The following ERBB4 variants were observed in gnomAD, a reference collection of about 807,000 sequenced individuals.
ERBB4 encodes erb-b2 receptor tyrosine kinase 4, also known as receptor tyrosine-protein kinase erbB-4.
Under a neutral mutation model 158.0 loss-of-function variants are expected in ERBB4, and 42 were observed. That is an observed-to-expected ratio of 0.27 (90% CI 0.21 to 0.34). The LOEUF (loss-of-function observed/expected upper bound fraction) is 0.34, where lower values mean the gene tolerates loss of function less well. ERBB4 is among the 10% of genes least tolerant of loss of function. The probability of loss-of-function intolerance (pLI) is 1.00; values close to 1 mark genes in which losing one functional copy is unlikely to be tolerated. For missense variants in ERBB4, 1,333 were observed against 1,624.1 expected (o/e 0.82, Z 3.08); for synonymous variants, 583 against 558.7 (o/e 1.04, Z -0.61).
At chr2:211,943,076 T>C (rs2080550386) in intron 3 of ERBB4, among the ~76,000 whole-genome samples, 1 of 152,126 alleles carries the variant, frequency 6.6e-6, no homozygotes, top group African/African-American at 2.4e-5. Flanking sequence ...TATAAATAGA[T>C]ATAAACTTAA....
chr2:212,506,252 C>A (rs1481881605), intron 1 of ERBB4, among the ~76,000 whole-genome samples: 1 of 148,702 alleles, frequency 6.7e-6, no homozygotes, highest in Non-Finnish European at 1.5e-5. Flanking sequence ...CATCTCTCTC[C>A]CTCTCCTTGG....
intron 3 of ERBB4, among the ~76,000 whole-genome samples, chr2:211,899,309 C>A (rs2079174356): frequency 6.6e-6 from 1 of 152,102 alleles, no homozygotes; most frequent in Non-Finnish European, 1.5e-5. Context: ...TTCATTTCCT[C>A]TATCTATTTT....
intron 2 of ERBB4, among the ~76,000 whole-genome samples, chr2:212,052,324 T>G (rs1421211104): frequency 1.3e-5 from 2 of 152,222 alleles, no homozygotes; most frequent in Admixed American, 6.5e-5. Context: ...AAAGCTGCAC[T>G]GTTGGCTTCC....
At chr2:212,253,615 G>A (rs2084621214) in intron 1 of ERBB4, among the ~76,000 whole-genome samples, 1 of 152,132 alleles carries the variant, frequency 6.6e-6, no homozygotes, top group Non-Finnish European at 1.5e-5. Flanking sequence ...CCATGCAGCT[G>A]GTTAGCAGAA....
At chr2:212,180,196 A>G (rs2081813049) in intron 1 of ERBB4, among the ~76,000 whole-genome samples, 2 of 151,762 alleles carry the variant, frequency 1.3e-5, no homozygotes, top group Non-Finnish European at 3.0e-5. Flanking sequence ...TGAAGCACAT[A>G]GTATATCCTC....
At chr2:212,461,566 G>C (rs936801254) in intron 1 of ERBB4, among the ~76,000 whole-genome samples, 1 of 152,158 alleles carries the variant, frequency 6.6e-6, no homozygotes, top group African/African-American at 2.4e-5. Context: ...ATGCTCATAG[G>C]TGGAAGGGAC....
intron 20 of ERBB4, among the ~76,000 whole-genome samples, chr2:211,454,547 C>A (rs1363484518): frequency 1.3e-5 from 2 of 152,140 alleles, no homozygotes; most frequent in Non-Finnish European, 1.5e-5. Flanking sequence ...ATGCATTTCT[C>A]TCTCTCTCTC....
chr2:211,404,599 C>T (rs28404089), intron 25 of ERBB4, among the ~76,000 whole-genome samples: 1 of 151,664 alleles, frequency 6.6e-6, no homozygotes, highest in Admixed American at 6.6e-5. Flanking sequence ...TGTTAAAACA[C>T]TTTTTTTTAA....
chr2:211,618,437 T>C (rs2069475027), intron 19 of ERBB4, among the ~76,000 whole-genome samples: 1 of 152,028 alleles, frequency 6.6e-6, no homozygotes, highest in South Asian at 2.1e-4. Flanking sequence ...GCTGCTTTCC[T>C]ACCAAAAAGA....
intron 25 of ERBB4, among the ~76,000 whole-genome samples, chr2:211,407,958 G>A (rs574993959): frequency 6.2e-4 from 94 of 152,294 alleles, no homozygotes; most frequent in African/African-American, 2.1e-3. Context: ...GATATTCTGA[G>A]CCTCTCAAAA....
chr2:212,052,979 G>A (rs766569898), intron 2 of ERBB4, among the ~76,000 whole-genome samples: 1 of 152,156 alleles, frequency 6.6e-6, no homozygotes, highest in Admixed American at 6.5e-5. Flanking sequence ...GTAGCAACGG[G>A]ACCTGGACCA....
intron 4 of ERBB4, among the ~76,000 whole-genome samples, chr2:211,784,799 G>T (rs1030611240): frequency 6.6e-6 from 1 of 151,962 alleles, no homozygotes; most frequent in Admixed American, 6.6e-5. Flanking sequence ...TAATAAGTGG[G>T]AGACAATATC....
At chr2:211,768,590 T>C (rs1257808788) in intron 4 of ERBB4, among the ~76,000 whole-genome samples, 7 of 152,194 alleles carry the variant, frequency 4.6e-5, no homozygotes, top group Admixed American at 4.6e-4. Context: ...TCTGTGCACC[T>C]GCAGGCTCAA....
chr2:212,132,614 T>C (rs74530279), intron 1 of ERBB4, among the ~76,000 whole-genome samples: 6,513 of 152,160 alleles, frequency 0.043, 485 homozygotes, highest in African/African-American at 0.15. Flanking sequence ...AGTCTTCATA[T>C]CCAAACTGGA....
chr2:211,936,671 T>C (rs2080331615), intron 3 of ERBB4, among the ~76,000 whole-genome samples: 1 of 152,110 alleles, frequency 6.6e-6, no homozygotes, highest in Admixed American at 6.5e-5. Flanking sequence ...TCAGATCTAT[T>C]TGACATATTA....
At chr2:212,003,623 A>G (rs956809582) in intron 2 of ERBB4, among the ~76,000 whole-genome samples, 4 of 152,214 alleles carry the variant, frequency 2.6e-5, no homozygotes, top group Non-Finnish European at 5.9e-5. Context: ...CACATGAAAA[A>G]TATTCTAAGA....
At chr2:211,686,532 C>T (rs2072571095) in intron 12 of ERBB4, among the ~76,000 whole-genome samples, 3 of 302 alleles carry the variant, frequency 9.9e-3, no homozygotes, top group Non-Finnish European at 0.017. Context: ...CCTCTAGATT[C>T]TTTTTTTTTT....
At chr2:212,486,399 GGGA>G (rs1248369117) in intron 1 of ERBB4, among the ~76,000 whole-genome samples, 1 of 152,052 alleles carries the variant, frequency 6.6e-6, no homozygotes, top group Non-Finnish European at 1.5e-5. Context: ...AATAAGGCGG[GGGA>G]GGTGGCATCT....
intron 12 of ERBB4, among the ~76,000 whole-genome samples, chr2:211,692,278 G>C (rs991586658): frequency 6.6e-6 from 1 of 152,146 alleles, no homozygotes; most frequent in African/African-American, 2.4e-5. Context: ...TCGAACCCCT[G>C]GATCCAATTG....
Sources: gnomAD v4.1 joint callset for allele counts (sites outside exome capture counted in the v4.1 genomes callset) on GRCh38, gnomAD v4.1.1 for gene constraint, MANE v1.5 for transcripts, NCBI Gene and HGNC (gene_info 2026-07-23, HGNC 2026-07-21) for gene names.